The following PLEKHF1 variants were observed in gnomAD, a reference collection of about 807,000 sequenced individuals.
PLEKHF1 encodes the protein pleckstrin homology domain-containing family F member 1.
In PLEKHF1, 1 loss-of-function variant was observed where a neutral mutation model predicts 4.1. The observed-to-expected ratio is 0.24, with a 90% CI of 0.09 to 1.15. PLEKHF1 has a LOEUF of 1.15. Ranked by LOEUF, PLEKHF1 falls within the 50% of genes most tolerant of loss-of-function variation. PLEKHF1 has a pLI of 0.52. For synonymous variants in PLEKHF1, 182 were observed against 178.5 expected (o/e 1.02, Z -0.16); for missense variants, 429 against 400.6 (o/e 1.07, Z -0.60).
rs1568310581 is a variant in PLEKHF1 at position 29,671,817 on chromosome 19, G to C, written c.-16-2007G>C. Among the ~76,000 whole-genome samples the C allele has an allele frequency of 2.0e-5, 3 of 152,104 alleles. No homozygotes were observed. The South Asian group carries it at 6.2e-4, about 32-fold the overall frequency. ...ACTGGTGGCCAGGCTCAGAACTGCA[G>C]CTCAGTGACCCAGAAACACTATGGG... On this transcript the variant is annotated intron_variant, in intron 1 of 1. Transcript: ENST00000436066. This position sits in a 1 kb window ranked among gnomAD's most constrained non-coding sequence, Gnocchi z 4.0.
intron 1 of PLEKHF1, among the ~76,000 whole-genome samples, chr19:29,673,339 G>A (rs989017741): frequency 2.0e-5 from 3 of 152,064 alleles, no homozygotes; most frequent in African/African-American, 7.2e-5. Context: ...GCTCCCCAGC[G>A]GGGCTGAACC....
chr19:29,669,907 T>C (rs114427283), intron 1 of PLEKHF1, among the ~76,000 whole-genome samples: 1,572 of 152,270 alleles, frequency 0.01, 25 homozygotes, highest in African/African-American at 0.036. Flanking sequence ...GTGTTAAGTA[T>C]ATTCCCATTG....
intron 1 of PLEKHF1, among the ~76,000 whole-genome samples, chr19:29,668,679 C>G (rs1265992723): frequency 3.3e-5 from 5 of 150,988 alleles, no homozygotes; most frequent in Non-Finnish European, 7.4e-5. Context: ...CTGATTGTGC[C>G]ACTGTACTTC....
chr19:29,674,699 C>A lies in PLEKHF1; in HGVS notation c.*20C>A. The stretch of plus-strand genomic sequence containing the variant: ...AGCTGACCCCCGGCCTGCAGAACAT[C>A]TGTCCCCAAGCCAGCTCCACTGCCC... On this transcript the variant is annotated 3_prime_UTR_variant, in exon 2 of 2. Transcript: ENST00000436066. 1 of 1,578,786 alleles carries A rather than the reference C, an allele frequency of 6.3e-7. No individual in the cohort carries two copies. The highest frequency in any genetic ancestry group is 1.3e-5 in the African/African-American group (1 of 74,504).
chr19:29,666,467 A>C (rs1971570629), intron 1 of PLEKHF1, among the ~76,000 whole-genome samples: 1 of 152,174 alleles, frequency 6.6e-6, no homozygotes, highest in African/African-American at 2.4e-5. Context: ...TGGGTGAACT[A>C]GGGGACCTGC....
chr19:29,673,862 C>A lies in PLEKHF1; in HGVS notation c.23C>A (p.Thr8Lys), dbSNP rs764925523. 6.2e-7 allele frequency: 1 copy of A among 1,603,284 alleles called. No individual in the cohort carries two copies. The highest frequency in any genetic ancestry group is 8.5e-7 in the Non-Finnish European group (1 of 1,172,828). The stretch of plus-strand genomic sequence containing the variant: ...ACGATGGTGGACCACTTGGCCAACA[C>A]GGAGATCAACAGCCAGCGCATCGCG... Reference protein sequence around the residue: MVDHLANTEINSQRIAAV... With the variant: MVDHLANKEINSQRIAAV... Residue 8 changes from threonine (T) to lysine (K), a missense_variant, in exon 2 of 2, where the codon ACG (threonine) becomes AAG (lysine). Thr to Lys is a moderately conservative substitution (Grantham distance 78). Transcript: ENST00000436066.
At chr19:29,666,339 C>T (rs1304483438) in intron 1 of PLEKHF1, among the ~76,000 whole-genome samples, 4 of 152,224 alleles carry the variant, frequency 2.6e-5, no homozygotes, top group African/African-American at 9.7e-5. Flanking sequence ...GGGATCGTCC[C>T]TCTGCACAGC....
At chr19:29,673,335 C>T (rs542734876) in intron 1 of PLEKHF1, among the ~76,000 whole-genome samples, 1 of 152,064 alleles carries the variant, frequency 6.6e-6, no homozygotes, top group South Asian at 2.1e-4. Flanking sequence ...CAAGGCTCCC[C>T]AGCGGGGCTG....
Position 29,671,861 on chromosome 19 carries a change from AG to A in PLEKHF1, c.-16-1961del, listed in dbSNP as rs1271206085. ...CTATGGGTGTGATCAGCTCAGCCCCAGGCGTGCCGTGTGTACCGGAATGCAT... is the reference window on the plus strand; with the variant it reads ...CTATGGGTGTGATCAGCTCAGCCCCAGCGTGCCGTGTGTACCGGAATGCAT... On this transcript the variant is annotated intron_variant, in intron 1 of 1. Transcript: ENST00000436066. This position sits in a 1 kb window ranked among gnomAD's most constrained non-coding sequence, Gnocchi z 4.0. 6.6e-6 allele frequency among the ~76,000 whole-genome samples: 1 copy of A among 152,078 alleles called. No individual in the cohort carries two copies. Among genetic ancestry groups the A allele is most frequent in the African/African-American group, 2.4e-5 (1 of 41,408 alleles).
At position 29,671,941 on chromosome 19, in the gene PLEKHF1, A is replaced by G. The variant is rs528729474; in HGVS notation, c.-16-1883A>G. On this transcript the variant is annotated intron_variant, in intron 1 of 1. Transcript: ENST00000436066. This position sits in a 1 kb window ranked among gnomAD's most constrained non-coding sequence, Gnocchi z 4.0. Reference sequence around the variant, plus strand: ...TCTCACCTCTTCCTCTGTAGAGGTAAGAGCTGAGTCATGCATGGTGGGCCT... The same window carrying G: ...TCTCACCTCTTCCTCTGTAGAGGTAGGAGCTGAGTCATGCATGGTGGGCCT... Among the ~76,000 whole-genome samples the G allele has an allele frequency of 1.4e-3, 219 of 151,656 alleles. No homozygotes were observed. The highest frequency in any genetic ancestry group is 5.0e-3 in the African/African-American group (208 of 41,360).
At chr19:29,670,408 T>C (rs1971617620) in intron 1 of PLEKHF1, among the ~76,000 whole-genome samples, 1 of 152,252 alleles carries the variant, frequency 6.6e-6, no homozygotes, top group African/African-American at 2.4e-5. Flanking sequence ...CCTGCTTTAC[T>C]TAGCATGATG....
chr19:29,674,009 T>C lies in PLEKHF1; in HGVS notation c.170T>C (p.Leu57Pro), dbSNP rs747338295. Residue 57 changes from leucine (L) to proline (P), a missense_variant, in exon 2 of 2, where the codon CTC becomes CCC. Coordinates refer to ENST00000436066, the MANE Select transcript of PLEKHF1 (RefSeq NM_024310.5). ...AAGGCCAAGCCGCGCATCTTCTTCC[T>C]CTTTAACGACATCCTGGTGTATGGC... ...RKKAKPRIFFLFNDILVYGSI... is the reference protein window; with the variant it reads ...RKKAKPRIFFPFNDILVYGSI... 44 of 1,613,980 alleles carry C rather than the reference T, an allele frequency of 2.7e-5. No individual in the cohort carries two copies. The highest frequency in any genetic ancestry group is 3.7e-5 in the Non-Finnish European group (44 of 1,179,988).
At position 29,674,970 on chromosome 19, in the gene PLEKHF1, T is replaced by TG. The variant is rs1971689838; in HGVS notation, c.*292dup. The stretch of plus-strand genomic sequence containing the variant: ...GCAGCGGCAGCTCCAGATGGCCTCC[T>TG]GAGCTGGACGACCCCAGGTCTCCAG... On this transcript the variant is annotated 3_prime_UTR_variant, in exon 2 of 2. Transcript: ENST00000436066. 1 of 406,050 alleles carries TG rather than the reference T, an allele frequency of 2.5e-6. No individual in the cohort carries two copies. The highest frequency in any genetic ancestry group is 2.0e-5 in the African/African-American group (1 of 48,796). The allele number at this position is 406,050 out of a possible 1,614,324, so 25.2% of individuals were successfully genotyped here.
Position 29,673,736 on chromosome 19 carries a change from G to A in PLEKHF1, c.-16-88G>A, listed in dbSNP as rs1268088738. ...CGTAGTCAGTGGGCTGCCTGGCATGGTGGGTTAGTCAGTTGGGGGTGGGCA... is the reference window on the plus strand; with the variant it reads ...CGTAGTCAGTGGGCTGCCTGGCATGATGGGTTAGTCAGTTGGGGGTGGGCA... On this transcript the variant is annotated intron_variant, in intron 1 of 1. Transcript: ENST00000436066. The A allele has an allele frequency of 7.3e-6, 11 of 1,514,098 alleles. No homozygotes were observed. The Admixed American group carries it at 1.9e-4, about 26-fold the overall frequency. The allele number at this position is 1,514,098 out of a possible 1,614,324, so 93.8% of individuals were successfully genotyped here.
Position 29,674,820 on chromosome 19 carries a change from T to A in PLEKHF1, c.*141T>A. ...CGGTGGGGAGTGGCTCTTTCTGGAC[T>A]CCCAGTGCCTTTTTGCTGGACACTG... On this transcript the variant is annotated 3_prime_UTR_variant, in exon 2 of 2. Coordinates refer to ENST00000436066, the MANE Select transcript of PLEKHF1 (RefSeq NM_024310.5). The A allele has an allele frequency of 7.9e-7, 1 of 1,270,020 alleles. No individual in the cohort carries two copies. The highest frequency in any genetic ancestry group is 1.6e-5 in the South Asian group (1 of 60,762). 78.7% of individuals were successfully genotyped at this position (1,270,020 alleles called of 1,614,324 possible). A position where few individuals can be genotyped will look rare whatever the true frequency, so the allele number is the denominator to read the frequency against.
In PLEKHF1 at chr19:29,667,694, C is replaced by T. The variant is rs567481355; in HGVS notation, c.-17+2189C>T. ...GCTACCATCTTGGGGCCCCACGCAT[C>T]TCTCATTTATCCAAAATGCTGTGTC... On this transcript the variant is annotated intron_variant, in intron 1 of 1. Transcript: ENST00000436066. Among the ~76,000 whole-genome samples the T allele has an allele frequency of 1.2e-4, 18 of 152,064 alleles. No individual in the cohort carries two copies. In the South Asian group the frequency reaches 3.7e-3, roughly 32 times the overall value.
chr19:29,672,896 G>T (rs1201275531), intron 1 of PLEKHF1, among the ~76,000 whole-genome samples: 2 of 152,016 alleles, frequency 1.3e-5, no homozygotes, highest in East Asian at 3.9e-4. Context: ...TGGTGGGCTG[G>T]TGTGTGTGTG....
chr19:29,674,928 C>T lies in PLEKHF1; in HGVS notation c.*249C>T, dbSNP rs1971689184. The stretch of plus-strand genomic sequence containing the variant: ...CACAGGTCTTGGTAACAAACGCCAC[C>T]TTACACTCTGCAGGCTGCAGCGGCA... On this transcript the variant is annotated 3_prime_UTR_variant, in exon 2 of 2. Transcript: ENST00000436066. 3.6e-6 allele frequency: 2 copies of T among 547,956 alleles called. No individual in the cohort carries two copies. Among genetic ancestry groups the T allele is most frequent in the African/African-American group, 1.9e-5 (1 of 52,026 alleles). 33.9% of individuals were successfully genotyped at this position (547,956 alleles called of 1,614,324 possible). A position where few individuals can be genotyped will look rare whatever the true frequency, so the allele number is the denominator to read the frequency against.
At chr19:29,672,766 C>T (rs769260430) in intron 1 of PLEKHF1, among the ~76,000 whole-genome samples, 1 of 152,026 alleles carries the variant, frequency 6.6e-6, no homozygotes, top group African/African-American at 2.4e-5. Context: ...GTTTGAGGAG[C>T]TTATTAGACA....
Sources: allele counts gnomAD v4.1 joint callset (sites outside exome capture counted in the v4.1 genomes callset), GRCh38; gene constraint gnomAD v4.1.1; non-coding constraint Gnocchi (gnomAD v3.1); transcripts MANE v1.5; gene names NCBI Gene and HGNC (gene_info 2026-07-23, HGNC 2026-07-21).